Variants in BCR observed in about 807,000 individuals in gnomAD.
The protein encoded by BCR is BCR activator of RhoGEF and GTPase, also known as breakpoint cluster region protein.
In BCR, 58 loss-of-function variants were observed where a neutral mutation model predicts 138.6. That is an observed-to-expected ratio of 0.42 (90% CI 0.34 to 0.52). The LOEUF is 0.52. BCR is among the 20% of genes least tolerant of loss of function. The pLI is 0.06. For missense variants in BCR, 1,599 were observed against 1,727.2 expected (o/e 0.93, Z 1.32); for synonymous variants, 786 against 730.1 (o/e 1.08, Z -1.23).
chr22:23,312,643 T>G (rs565617637), intron 19 of BCR: 218 of 552,206 alleles, frequency 3.9e-4, no homozygotes, highest in East Asian at 7.2e-4. Context: ...CACGCTGGCC[T>G]CCTCCTGGCC....
chr22:23,202,874 T>G (rs566086297), intron 1 of BCR, among the ~76,000 whole-genome samples: 1 of 152,186 alleles, frequency 6.6e-6, no homozygotes, highest in Non-Finnish European at 1.5e-5. Context: ...TTTTTTTTGT[T>G]TGTTTTTGAA....
chr22:23,274,270 C>T (rs903513217), intron 8 of BCR, among the ~76,000 whole-genome samples: 8 of 152,244 alleles, frequency 5.3e-5, no homozygotes, highest in South Asian at 2.1e-4. Flanking sequence ...AAGCACTTCA[C>T]GTCTTCCTCC....
At chr22:23,282,766 C>T (rs1040282675) in intron 8 of BCR, among the ~76,000 whole-genome samples, 1 of 152,210 alleles carries the variant, frequency 6.6e-6, no homozygotes, top group African/African-American at 2.4e-5. Context: ...GTTGTATGTG[C>T]CTCCCCTGCC....
intron 1 of BCR, among the ~76,000 whole-genome samples, chr22:23,190,277 C>T (rs1012184673): frequency 6.6e-6 from 1 of 152,208 alleles, no homozygotes; most frequent in Non-Finnish European, 1.5e-5. Flanking sequence ...AGGCAATTCT[C>T]CCGCCTCAGC....
At chr22:23,294,665 C>G (rs2073825837) in intron 15 of BCR, among the ~76,000 whole-genome samples, 1 of 152,214 alleles carries the variant, frequency 6.6e-6, no homozygotes, top group South Asian at 2.1e-4. Context: ...TCCCAAAGTA[C>G]TGGGATTACA....
At chr22:23,185,568 G>A (rs1235520558) in intron 1 of BCR, among the ~76,000 whole-genome samples, 1 of 151,742 alleles carries the variant, frequency 6.6e-6, no homozygotes, top group Non-Finnish European at 1.5e-5. Context: ...GGGAGGCTGA[G>A]GCAGGAGAAT....
At position 23,235,542 on chromosome 22, in the gene BCR, G is replaced by A. The variant is rs1425388386; in HGVS notation, c.1280-18257G>A. On this transcript the variant is annotated intron_variant, in intron 1 of 22. Transcript: ENST00000305877. ...AGATGTCCAGGCCCATGTGTTCCAC[G>A]GCATAATGTGGGGACTGCAGAGAGG... 3.7e-5 allele frequency among the ~76,000 whole-genome samples: 4 copies of A among 109,126 alleles called. 1 individual carries two copies. The highest frequency in any genetic ancestry group is 2.1e-4 in the East Asian group (1 of 4,786). The allele number at this position is 109,126 out of a possible 152,430, so 71.6% of individuals were successfully genotyped here.
chr22:23,263,651 CAGG>C lies in BCR; in HGVS notation c.1752+2117_1752+2119del, dbSNP rs551123580. On this transcript the variant is annotated intron_variant, in intron 4 of 22. Transcript: ENST00000305877. ...CTGGCCACCTCGCATATTGTCAGTGCAGGAGGAGATGGGAAGATTGGCCTTGGT... is the reference window on the plus strand; with the variant it reads ...CTGGCCACCTCGCATATTGTCAGTGCAGGAGATGGGAAGATTGGCCTTGGT... 89 of 1,463,764 alleles carry C rather than the reference CAGG, an allele frequency of 6.1e-5. No individual in the cohort carries two copies. In the East Asian group the frequency reaches 1.4e-3, roughly 22 times the overall value. 90.7% of individuals were successfully genotyped at this position (1,463,764 alleles called of 1,614,324 possible). A position where few individuals can be genotyped will look rare whatever the true frequency, so the allele number is the denominator to read the frequency against.
intron 4 of BCR, chr22:23,262,957 C>A: frequency 9.8e-7 from 1 of 1,020,654 alleles, no homozygotes; most frequent in Non-Finnish European, 1.3e-6. Context: ...GAGGAAGGGG[C>A]GAGAGGCATC....
intron 1 of BCR, among the ~76,000 whole-genome samples, chr22:23,250,401 G>A (rs1015194313): frequency 4.6e-5 from 7 of 152,206 alleles, no homozygotes; most frequent in African/African-American, 1.4e-4. Context: ...TGTTTTAGAC[G>A]TTTCGCAGCC....
In BCR at chr22:23,181,435, G is replaced by C; in HGVS notation, c.475G>C (p.Glu159Gln). ...CGTGGCGGCGCTCAGGTCCAACTTC[G>C]AGCGGATCCGCAAGGGCCATGGCCA... ...ASVAALRSNFERIRKGHGQPG... is the reference protein window; with the variant it reads ...ASVAALRSNFQRIRKGHGQPG... The change falls in exon 1 of 23, where the codon GAG becomes CAG. Residue 159 changes from glutamate (E) to glutamine (Q), a missense_variant. Glu to Gln is a conservative substitution (Grantham distance 29). Coordinates refer to ENST00000305877, the MANE Select transcript of BCR (RefSeq NM_004327.4). 1.3e-6 allele frequency: 2 copies of C among 1,594,184 alleles called. No homozygotes were observed. The highest frequency in any genetic ancestry group is 2.3e-5 in the East Asian group (1 of 44,408).
intron 1 of BCR, among the ~76,000 whole-genome samples, chr22:23,229,489 A>T (rs1182591051): frequency 2.7e-5 from 4 of 146,510 alleles, no homozygotes; most frequent in Admixed American, 6.8e-5. Context: ...ATGTTGACTG[A>T]TTTTTTTTTT....
chr22:23,259,394 A>G (rs1244494549), intron 2 of BCR, among the ~76,000 whole-genome samples: 1 of 152,158 alleles, frequency 6.6e-6, no homozygotes, highest in Non-Finnish European at 1.5e-5. Flanking sequence ...TGGTGGGGTA[A>G]CATGGCTCAT....
chr22:23,287,007 C>G (rs2073721557), intron 10 of BCR, 152 bp from the exon 11 acceptor site: 1 of 1,339,074 alleles, frequency 7.5e-7, no homozygotes, highest in Non-Finnish European at 1.0e-6. Context: ...CCACCAGCAA[C>G]TGCGGTCTGG....
At chr22:23,199,862 G>C (rs1488584370) in intron 1 of BCR, among the ~76,000 whole-genome samples, 1 of 152,108 alleles carries the variant, frequency 6.6e-6, no homozygotes, top group African/African-American at 2.4e-5. Context: ...AGGCCAAGGC[G>C]GGCAGATCAT....
At chr22:23,282,360 C>T (rs1439104935) in intron 8 of BCR, among the ~76,000 whole-genome samples, 1 of 152,232 alleles carries the variant, frequency 6.6e-6, no homozygotes, top group Admixed American at 6.5e-5. Flanking sequence ...TGAGTCATGG[C>T]CTTGGCACGC....
chr22:23,181,173 C>G lies in BCR; in HGVS notation c.213C>G (p.Asp71Glu). 2 of 1,381,430 alleles carry G rather than the reference C, an allele frequency of 1.4e-6. No homozygotes were observed. The highest frequency in any genetic ancestry group is 1.6e-5 in the South Asian group (1 of 61,830). The allele number at this position is 1,381,430 out of a possible 1,614,324, so 85.6% of individuals were successfully genotyped here. A position where few individuals can be genotyped will look rare whatever the true frequency, so the allele number is the denominator to read the frequency against. ...TGGCCAAGGAAAAGAAGAGCTATGA[C>G]CGGCAGCGATGGGGCTTCCGGCGCG... Reference protein sequence around the residue: ...TLLAKEKKSYDRQRWGFRRAA... With the variant: ...TLLAKEKKSYERQRWGFRRAA... Residue 71 changes from aspartate (D) to glutamate (E), a missense_variant, in exon 1 of 23, where the codon GAC (aspartate) becomes GAG (glutamate). Transcript: ENST00000305877.
At chr22:23,294,712 TAAC>T (rs1172128354) in intron 15 of BCR, among the ~76,000 whole-genome samples, 1 of 152,210 alleles carries the variant, frequency 6.6e-6, no homozygotes, top group African/African-American at 2.4e-5. Context: ...AGAAATATCT[TAAC>T]AAGTACCCTG....
At chr22:23,284,134 C>G in intron 9 of BCR, 36 bp downstream of exon 9, 5 of 1,609,006 alleles carry the variant, frequency 3.1e-6, no homozygotes, top group Non-Finnish European at 4.2e-6. Context: ...CAGCAGTGAC[C>G]CCACCCTGAC....
Sources: allele counts gnomAD v4.1 joint callset (sites outside exome capture counted in the v4.1 genomes callset), GRCh38; gene constraint gnomAD v4.1.1; transcripts MANE v1.5; gene names NCBI Gene and HGNC (gene_info 2026-07-23, HGNC 2026-07-21).